LSAMP: variants seen among roughly 807,000 people sequenced by gnomAD.
LSAMP encodes limbic system-associated membrane protein.
LSAMP carries 7 observed loss-of-function variants against 38.6 expected under a neutral mutation model. The ratio of observed to expected loss-of-function variants is 0.18; its 90% CI spans 0.10 to 0.34. The LOEUF is 0.34. Ranked by LOEUF, LSAMP falls within the 10% of genes least tolerant of loss-of-function variation. The pLI, the probability that LSAMP is intolerant of heterozygous loss-of-function variation, is 1.00. For missense variants in LSAMP, 313 were observed against 420.0 expected (o/e 0.75, Z 2.23); for synonymous variants, 154 against 166.8 (o/e 0.92, Z 0.59).
At chr3:116,105,764 G>A in intron 1 of LSAMP, among the ~76,000 whole-genome samples, 1 of 152,210 alleles carries the variant, frequency 6.6e-6, no homozygotes, top group African/African-American at 2.4e-5. Flanking sequence ...GGATGCGATG[G>A]CTTGGCTTGG....
intron 1 of LSAMP, among the ~76,000 whole-genome samples, chr3:116,386,471 TTCTC>T (rs1352795193): frequency 6.6e-6 from 1 of 152,072 alleles, no homozygotes; most frequent in Non-Finnish European, 1.5e-5. Context: ...GTACATATTC[TTCTC>T]TCTCTTTCTC....
At chr3:116,347,556 C>A (rs2048079849) in intron 1 of LSAMP, among the ~76,000 whole-genome samples, 1 of 152,134 alleles carries the variant, frequency 6.6e-6, no homozygotes, top group Non-Finnish European at 1.5e-5. Context: ...TCTCCCCCAA[C>A]CCACCCCATT....
intron 6 of LSAMP, among the ~76,000 whole-genome samples, chr3:115,815,068 T>TC (rs1000996466): frequency 1.6e-4 from 24 of 152,010 alleles, no homozygotes; most frequent in African/African-American, 5.3e-4. Context: ...AATACGGTAG[T>TC]CCCCCCTTAT....
At position 116,440,650 on chromosome 3, in the gene LSAMP, CA is replaced by C. The variant is rs145447174; in HGVS notation, c.155+4226del. 4.1e-3 allele frequency among the ~76,000 whole-genome samples: 630 copies of C among 152,164 alleles called. 4 individuals are homozygous for C. The highest frequency in any genetic ancestry group is 0.014 in the African/African-American group (599 of 41,496). Reference sequence around the variant, plus strand: ...TCACAGGTACATAAATATTCTTTAACAAAATGTATATAATATGCCATATTCC... The same window carrying C: ...TCACAGGTACATAAATATTCTTTAACAAATGTATATAATATGCCATATTCC... On this transcript the variant is annotated intron_variant, in intron 1 of 6. Coordinates refer to ENST00000490035, the MANE Select transcript of LSAMP (RefSeq NM_002338.5).
chr3:116,190,088 GACACACACACACACAC>G (rs3071108), intron 1 of LSAMP, among the ~76,000 whole-genome samples: 8 of 142,804 alleles, frequency 5.6e-5, no homozygotes, highest in East Asian at 2.0e-4. Flanking sequence ...TCCAGTAGTA[GACACACACACACACAC>G]ACACACACAC....
At chr3:116,172,691 T>C (rs1462762103) in intron 1 of LSAMP, among the ~76,000 whole-genome samples, 1 of 151,958 alleles carries the variant, frequency 6.6e-6, no homozygotes, top group Non-Finnish European at 1.5e-5. Flanking sequence ...AATCATGTTG[T>C]TGAGAGGATG....
In LSAMP at chr3:116,078,473, C is replaced by T. The variant is rs562964281; in HGVS notation, c.388+7851G>A. 5.3e-3 allele frequency among the ~76,000 whole-genome samples: 802 copies of T among 151,878 alleles called. 2 individuals carry two copies. The highest frequency in any genetic ancestry group is 0.018 in the African/African-American group (747 of 41,466). ...CCGAGTAGCTGGGACTACAGGTGCC[C>T]GCCACCAACACCCAGCTAAGTTTTT... On this transcript the variant is annotated intron_variant, in intron 2 of 6. Transcript: ENST00000490035.
intron 1 of LSAMP, among the ~76,000 whole-genome samples, chr3:116,183,944 A>G (rs1352585496): frequency 6.6e-6 from 1 of 151,890 alleles, no homozygotes; most frequent in Non-Finnish European, 1.5e-5. Flanking sequence ...GGAGGACATT[A>G]AATATCATGT....
chr3:115,952,383 G>A (rs1938320246), intron 3 of LSAMP, among the ~76,000 whole-genome samples: 1 of 152,290 alleles, frequency 6.6e-6, no homozygotes, highest in Non-Finnish European at 1.5e-5. Flanking sequence ...ATACAACTCA[G>A]CCATAAAAAA....
intron 1 of LSAMP, among the ~76,000 whole-genome samples, chr3:116,215,949 C>T (rs1158549774): frequency 6.6e-6 from 1 of 152,122 alleles, no homozygotes; most frequent in African/African-American, 2.4e-5. Context: ...ATATTGTTTA[C>T]CAAATTTGGA....
At chr3:116,232,040 C>T (rs1057389666) in intron 1 of LSAMP, among the ~76,000 whole-genome samples, 3 of 152,162 alleles carry the variant, frequency 2.0e-5, no homozygotes, top group Non-Finnish European at 4.4e-5. Context: ...AAACGTATTT[C>T]TACAACTTAT....
At chr3:116,183,689 G>C (rs543188492) in intron 1 of LSAMP, among the ~76,000 whole-genome samples, 8 of 151,838 alleles carry the variant, frequency 5.3e-5, no homozygotes, top group African/African-American at 1.9e-4. Context: ...TAATATAGGG[G>C]TCATCTTTAT....
At chr3:115,922,227 G>T (rs547493396) in intron 3 of LSAMP, among the ~76,000 whole-genome samples, 1 of 152,056 alleles carries the variant, frequency 6.6e-6, no homozygotes, top group African/African-American at 2.4e-5. Flanking sequence ...GCTTGATGAA[G>T]TCCCATAAGT....
intron 1 of LSAMP, among the ~76,000 whole-genome samples, chr3:116,292,389 TAATA>T (rs58445444): frequency 0.23 from 34,816 of 151,896 alleles, 7,205 homozygotes; most frequent in African/African-American, 0.56. Context: ...AATAAATCAT[TAATA>T]AATAAGGATA....
chr3:116,180,041 T>C (rs899901465), intron 1 of LSAMP, among the ~76,000 whole-genome samples: 1 of 152,192 alleles, frequency 6.6e-6, no homozygotes, highest in Non-Finnish European at 1.5e-5. Flanking sequence ...GATCTGGAGA[T>C]GTTTGCTCAT....
intron 1 of LSAMP, among the ~76,000 whole-genome samples, chr3:116,151,559 T>C (rs1416122020): frequency 2.6e-5 from 4 of 152,208 alleles, no homozygotes; most frequent in Non-Finnish European, 4.4e-5. Context: ...CTATTATGGC[T>C]CGTCCATGCA....
At chr3:116,241,434 C>G (rs910049445) in intron 1 of LSAMP, among the ~76,000 whole-genome samples, 2 of 151,920 alleles carry the variant, frequency 1.3e-5, no homozygotes, top group Non-Finnish European at 2.9e-5. Flanking sequence ...GGGCTGGTGA[C>G]ACACGCCTGT....
At chr3:116,203,691 A>G (rs1039259833) in intron 1 of LSAMP, among the ~76,000 whole-genome samples, 1 of 151,350 alleles carries the variant, frequency 6.6e-6, no homozygotes, top group Non-Finnish European at 1.5e-5. Flanking sequence ...GAGAATGATG[A>G]TTTCCAATTT....
intron 3 of LSAMP, among the ~76,000 whole-genome samples, chr3:115,969,852 C>T (rs963850586): frequency 6.6e-6 from 1 of 152,140 alleles, no homozygotes; most frequent in African/African-American, 2.4e-5. Flanking sequence ...CAAAATGTTA[C>T]TTTTTAACGT....
Sources: gnomAD v4.1 joint callset for allele counts (sites outside exome capture counted in the v4.1 genomes callset) on GRCh38, gnomAD v4.1.1 for gene constraint, MANE v1.5 for transcripts, NCBI Gene and HGNC (gene_info 2026-07-23, HGNC 2026-07-21) for gene names.